The following RABGAP1 variants were observed in gnomAD, a reference collection of about 807,000 sequenced individuals.
RABGAP1 encodes RAB GTPase activating protein 1.
Under a neutral mutation model 137.6 loss-of-function variants are expected in RABGAP1, and 23 were observed. The observed-to-expected ratio is 0.17, with a 90% CI of 0.12 to 0.24. The LOEUF is 0.24. Ranked by LOEUF, RABGAP1 falls within the 10% of genes least tolerant of loss-of-function variation. RABGAP1 has a pLI of 1.00. For synonymous variants in RABGAP1, 451 were observed against 450.7 expected (o/e 1.00, Z -0.01); for missense variants, 906 against 1,275.8 (o/e 0.71, Z 4.42).
intron 21 of RABGAP1, among the ~76,000 whole-genome samples, chr9:123,096,831 A>C (rs956231382): frequency 6.6e-6 from 1 of 152,102 alleles, no homozygotes; most frequent in Non-Finnish European, 1.5e-5. Flanking sequence ...TGGCCTCCCA[A>C]AGTGCTGGGA....
At chr9:122,953,867 A>G (rs1033749471) in intron 1 of RABGAP1, among the ~76,000 whole-genome samples, 45 of 152,212 alleles carry the variant, frequency 3.0e-4, no homozygotes, top group African/African-American at 1.0e-3. Context: ...CTTCTTTAAC[A>G]AATAGTTGAG....
chr9:123,077,145 G>C (rs1193816092), intron 19 of RABGAP1: 1 of 148,028 alleles, frequency 6.8e-6, no homozygotes, highest in Non-Finnish European at 1.5e-5. Context: ...TTCTTCTACT[G>C]TGCTGGTTTT....
At chr9:123,027,296 A>G (rs2032033415) in intron 13 of RABGAP1, among the ~76,000 whole-genome samples, 1 of 151,916 alleles carries the variant, frequency 6.6e-6, no homozygotes, top group African/African-American at 2.4e-5. Context: ...TTGTATTTTT[A>G]GTAGAGATGG....
chr9:122,943,778 C>T (rs1833755887), intron 1 of RABGAP1, among the ~76,000 whole-genome samples: 1 of 151,968 alleles, frequency 6.6e-6, no homozygotes, highest in African/African-American at 2.4e-5. Context: ...ACTGTGAAAC[C>T]CCGTCTCTAC....
At chr9:123,047,919 G>GT (rs59639446) in intron 13 of RABGAP1, among the ~76,000 whole-genome samples, 1,902 of 62,270 alleles carry the variant, frequency 0.031, 769 homozygotes, top group Non-Finnish European at 0.056. Flanking sequence ...CAGCTGCTGG[G>GT]TTTTTTTTTT....
intron 19 of RABGAP1, among the ~76,000 whole-genome samples, chr9:123,087,675 G>GCTTT (rs1564187050): frequency 6.6e-6 from 1 of 152,214 alleles, no homozygotes; most frequent in Non-Finnish European, 1.5e-5. Context: ...GTAGAGGTCA[G>GCTTT]CTGGAGCAGA....
At chr9:123,094,950 T>C (rs1021712527) in intron 21 of RABGAP1, among the ~76,000 whole-genome samples, 12 of 152,286 alleles carry the variant, frequency 7.9e-5, no homozygotes, top group Admixed American at 7.8e-4. Context: ...TATGTAGAGA[T>C]GTTTCATTTT....
intron 1 of RABGAP1, among the ~76,000 whole-genome samples, chr9:122,949,727 G>A (rs1834131358): frequency 6.8e-6 from 1 of 148,070 alleles, no homozygotes; most frequent in African/African-American, 2.5e-5. Flanking sequence ...AAAAAAAAGT[G>A]TTGATATTAT....
chr9:123,022,663 C>G (rs1004541974), intron 13 of RABGAP1, among the ~76,000 whole-genome samples: 1 of 152,068 alleles, frequency 6.6e-6, no homozygotes, highest in Non-Finnish European at 1.5e-5. Context: ...CCTCGACCTC[C>G]CAAAGTGCTG....
chr9:123,101,767 ACAG>A lies in RABGAP1; in HGVS notation c.3087+11_3087+13del. The A allele has an allele frequency of 6.3e-7, 1 of 1,597,084 alleles. No homozygotes were observed. The highest frequency in any genetic ancestry group is 8.5e-7 in the Non-Finnish European group (1 of 1,171,680). Reference sequence around the variant, plus strand: ...GGAGGCCGAGTGTAAGATACAGGTAACAGCAGCAGAGCTCAGACATGTGCCTGC... The same window carrying A: ...GGAGGCCGAGTGTAAGATACAGGTAACAGCAGAGCTCAGACATGTGCCTGC... On this transcript the variant is annotated splice_donor_5th_base_variant and intron_variant, in intron 25 of 25. Coordinates refer to ENST00000373647, the MANE Select transcript of RABGAP1 (RefSeq NM_012197.4).
intron 13 of RABGAP1, among the ~76,000 whole-genome samples, chr9:123,054,809 T>C (rs1169323638): frequency 6.6e-6 from 1 of 152,124 alleles, no homozygotes; most frequent in Non-Finnish European, 1.5e-5. Context: ...TCAAGTGAAA[T>C]TTGTCTGATT....
chr9:122,933,262 T>A, the RABGAP1 span, among the ~76,000 whole-genome samples: 41 of 152,268 alleles, frequency 2.7e-4, no homozygotes, highest in Non-Finnish European at 5.6e-4. Flanking sequence ...AGTCTGTTCC[T>A]AGCGAGGTAA....
chr9:123,065,278 T>A lies in RABGAP1; in HGVS notation c.1795-70T>A, dbSNP rs534305332. The A allele has an allele frequency of 1.5e-5, 17 of 1,112,668 alleles. No homozygotes were observed. The East Asian group carries it at 4.0e-4, about 26-fold the overall frequency. The allele number at this position is 1,112,668 out of a possible 1,614,324, so 68.9% of individuals were successfully genotyped here. A position where few individuals can be genotyped will look rare whatever the true frequency, so the allele number is the denominator to read the frequency against. ...TTTAAAGTGTGTAAATGAGAAGACC[T>A]TGCCTAAACCTGAATAAGAGTTTAC... is the stretch of plus-strand genomic sequence containing the variant. On this transcript the variant is annotated intron_variant, in intron 13 of 25. Coordinates refer to ENST00000373647, the MANE Select transcript of RABGAP1 (RefSeq NM_012197.4).
intron 13 of RABGAP1, among the ~76,000 whole-genome samples, chr9:123,048,944 A>C (rs1417384793): frequency 6.6e-6 from 1 of 152,224 alleles, no homozygotes; most frequent in East Asian, 1.9e-4. Context: ...TTCCTGTGGG[A>C]AACTTGAGCC....
At chr9:123,093,950 T>C (rs1391531645) in intron 21 of RABGAP1, among the ~76,000 whole-genome samples, 1 of 152,230 alleles carries the variant, frequency 6.6e-6, no homozygotes, top group Non-Finnish European at 1.5e-5. Context: ...TTTCAGTTTC[T>C]CTCAGTAGCA....
chr9:122,971,317 A>G (rs1011266856), intron 2 of RABGAP1, among the ~76,000 whole-genome samples: 1 of 152,312 alleles, frequency 6.6e-6, no homozygotes, highest in Middle Eastern at 3.4e-3. Flanking sequence ...CTTGATTGAT[A>G]ATACTCCAGG....
Position 123,035,231 on chromosome 9 carries a change from C to G in RABGAP1, c.1794+14772C>G, listed in dbSNP as rs776038140. 1.9e-6 allele frequency: 3 copies of G among 1,614,046 alleles called. No individual in the cohort carries two copies. In the African/African-American group the frequency reaches 4.0e-5, roughly 22 times the overall value. ...ATCTTCCGCATCTGCCAACAGCACACAAAGGATATCAGCGAAAGGCAAGCC... is the reference window on the plus strand; with the variant it reads ...ATCTTCCGCATCTGCCAACAGCACAGAAAGGATATCAGCGAAAGGCAAGCC... On this transcript the variant is annotated intron_variant, in intron 13 of 25. Coordinates refer to ENST00000373647, the MANE Select transcript of RABGAP1 (RefSeq NM_012197.4).
chr9:123,095,282 G>A (rs989980709), intron 21 of RABGAP1, among the ~76,000 whole-genome samples: 2 of 143,726 alleles, frequency 1.4e-5, no homozygotes, highest in Non-Finnish European at 3.0e-5. Context: ...AGTTTTCTCT[G>A]TTGTCTTGTT....
intron 2 of RABGAP1, among the ~76,000 whole-genome samples, chr9:122,975,260 C>T (rs1835704268): frequency 6.6e-6 from 1 of 152,138 alleles, no homozygotes; most frequent in Non-Finnish European, 1.5e-5. Context: ...AGAAAAGGAT[C>T]CCAAACTGCC....
Sources: gnomAD v4.1 joint callset for allele counts (sites outside exome capture counted in the v4.1 genomes callset) on GRCh38, gnomAD v4.1.1 for gene constraint, MANE v1.5 for transcripts, NCBI Gene and HGNC (gene_info 2026-07-23, HGNC 2026-07-21) for gene names.